GABRG3: variants seen among roughly 807,000 people sequenced by gnomAD.
GABRG3 encodes the protein gamma-aminobutyric acid type A receptor subunit gamma3, also known as gamma-aminobutyric acid receptor subunit gamma-3.
Under a neutral mutation model 48.8 loss-of-function variants are expected in GABRG3, and 25 were observed. That is an observed-to-expected ratio of 0.51 (90% CI 0.37 to 0.72). GABRG3 has a LOEUF of 0.72. Ranked by LOEUF, GABRG3 falls within the 30% of genes least tolerant of loss-of-function variation. The pLI is 0.00. For missense variants in GABRG3, 394 were observed against 577.9 expected (o/e 0.68, Z 3.26); for synonymous variants, 227 against 217.6 (o/e 1.04, Z -0.38).
At chr15:27,141,570 C>A (rs552535302) in intron 3 of GABRG3, among the ~76,000 whole-genome samples, 2 of 152,328 alleles carry the variant, frequency 1.3e-5, no homozygotes, top group East Asian at 3.9e-4. Flanking sequence ...CCTTGTCCTG[C>A]ACCTCTGAGG....
chr15:27,170,591 G>C (rs920345652), intron 3 of GABRG3, among the ~76,000 whole-genome samples: 10 of 152,110 alleles, frequency 6.6e-5, no homozygotes, highest in African/African-American at 2.4e-4. Flanking sequence ...ATGAAAGACA[G>C]ACAGAAACAT....
chr15:27,516,439 C>T lies in GABRG3; in HGVS notation c.713-3533C>T, dbSNP rs143421916. On this transcript the variant is annotated intron_variant, in intron 6 of 9. Coordinates refer to ENST00000615808, the MANE Select transcript of GABRG3 (RefSeq NM_033223.5). Reference sequence around the variant, plus strand: ...TCCTACCCGTCAACCTATCTTTCTTCTGGGGATAAAGCCCCATCTTCTGGG... The same window carrying T: ...TCCTACCCGTCAACCTATCTTTCTTTTGGGGATAAAGCCCCATCTTCTGGG... 2.4e-3 allele frequency among the ~76,000 whole-genome samples: 372 copies of T among 152,314 alleles called. 1 individual carries two copies. The South Asian group carries it at 0.025, about 10-fold the overall frequency.
intron 3 of GABRG3, among the ~76,000 whole-genome samples, chr15:27,134,802 A>C (rs1897979453): frequency 6.6e-6 from 1 of 152,188 alleles, no homozygotes; most frequent in Admixed American, 6.5e-5. Context: ...ACTCTTTCCA[A>C]AGCAGATGAT....
chr15:27,181,193 C>A (rs1249337855), intron 3 of GABRG3, among the ~76,000 whole-genome samples: 1 of 152,120 alleles, frequency 6.6e-6, no homozygotes, highest in Non-Finnish European at 1.5e-5. Context: ...ATGCTAGCTG[C>A]CCACGAGCAC....
chr15:27,522,673 A>G (rs1221396705), intron 7 of GABRG3, among the ~76,000 whole-genome samples: 1 of 151,818 alleles, frequency 6.6e-6, no homozygotes, highest in African/African-American at 2.4e-5. Flanking sequence ...GTATGAAAAT[A>G]TAGTAAAAAG....
chr15:27,232,976 G>A (rs1889846395), intron 3 of GABRG3, among the ~76,000 whole-genome samples: 1 of 152,220 alleles, frequency 6.6e-6, no homozygotes, highest in African/African-American at 2.4e-5. Context: ...AGCACAGCCA[G>A]AAGCCGGTAG....
intron 5 of GABRG3, among the ~76,000 whole-genome samples, chr15:27,369,585 A>G (rs1199286587): frequency 6.6e-6 from 1 of 152,108 alleles, no homozygotes; most frequent in African/African-American, 2.4e-5. Context: ...TGGGAGGCCA[A>G]GGTGGGCGGA....
intron 3 of GABRG3, among the ~76,000 whole-genome samples, chr15:27,246,126 T>G (rs1349612913): frequency 2.0e-5 from 3 of 152,174 alleles, no homozygotes; most frequent in African/African-American, 7.2e-5. Context: ...CCGCCAGGCC[T>G]CGTCTCCAAC....
At chr15:27,242,891 G>C (rs920681362) in intron 3 of GABRG3, among the ~76,000 whole-genome samples, 1 of 152,192 alleles carries the variant, frequency 6.6e-6, no homozygotes, top group Non-Finnish European at 1.5e-5. Context: ...TATTGGTTGG[G>C]TTATAAATAT....
chr15:27,076,399 C>T (rs1248381253), intron 3 of GABRG3, among the ~76,000 whole-genome samples: 1 of 149,178 alleles, frequency 6.7e-6, no homozygotes, highest in East Asian at 2.0e-4. Flanking sequence ...TCTCGGCTCA[C>T]TGCAACCTCC....
At chr15:27,117,346 G>A (rs9672178) in intron 3 of GABRG3, among the ~76,000 whole-genome samples, 9 of 151,644 alleles carry the variant, frequency 5.9e-5, no homozygotes, top group African/African-American at 2.2e-4. Context: ...CTCTGGAGCC[G>A]AACAATACTC....
chr15:27,486,296 A>G (rs1445452622), intron 6 of GABRG3, among the ~76,000 whole-genome samples: 5 of 152,148 alleles, frequency 3.3e-5, no homozygotes, highest in Non-Finnish European at 7.3e-5. Flanking sequence ...TAAGACCACA[A>G]ATAGGCTTCC....
intron 3 of GABRG3, among the ~76,000 whole-genome samples, chr15:27,053,402 C>G (rs756293741): frequency 6.6e-6 from 1 of 152,146 alleles, no homozygotes; most frequent in South Asian, 2.1e-4. Flanking sequence ...CATCACTAAC[C>G]GTCAGAGAAT....
intron 3 of GABRG3, among the ~76,000 whole-genome samples, chr15:27,324,058 G>A (rs964544922): frequency 7.2e-5 from 11 of 152,342 alleles, no homozygotes; most frequent in Admixed American, 1.3e-4. Flanking sequence ...CAGGGAAGCC[G>A]CGGTATTTGG....
chr15:27,062,554 G>C (rs1896669289), intron 3 of GABRG3, among the ~76,000 whole-genome samples: 1 of 151,966 alleles, frequency 6.6e-6, no homozygotes, highest in Admixed American at 6.6e-5. Flanking sequence ...GTTGCAGTGA[G>C]CTAAGATCCT....
At chr15:27,529,983 G>T (rs181118575) in intron 9 of GABRG3, among the ~76,000 whole-genome samples, 2 of 152,076 alleles carry the variant, frequency 1.3e-5, no homozygotes, top group Admixed American at 1.3e-4. Flanking sequence ...TGCCAGGCCT[G>T]GTGAGAAGAC....
intron 2 of GABRG3, among the ~76,000 whole-genome samples, chr15:26,986,525 C>T (rs1472098180): frequency 6.6e-6 from 1 of 152,160 alleles, no homozygotes; most frequent in Non-Finnish European, 1.5e-5. Context: ...ACCTGAGCAC[C>T]TAGGATTGCA....
intron 5 of GABRG3, among the ~76,000 whole-genome samples, chr15:27,430,241 A>G (rs1888408448): frequency 6.6e-6 from 1 of 152,126 alleles, no homozygotes; most frequent in Non-Finnish European, 1.5e-5. Flanking sequence ...CCATTTTTCA[A>G]TTGGGTTATC....
At chr15:27,383,555 T>TA (rs1895839558) in intron 5 of GABRG3, among the ~76,000 whole-genome samples, 1 of 152,100 alleles carries the variant, frequency 6.6e-6, no homozygotes, top group Non-Finnish European at 1.5e-5. Flanking sequence ...TTGTCTCATT[T>TA]AAAAAAATTG....
Sources: gnomAD v4.1 joint callset for allele counts (sites outside exome capture counted in the v4.1 genomes callset) on GRCh38, gnomAD v4.1.1 for gene constraint, MANE v1.5 for transcripts, NCBI Gene and HGNC (gene_info 2026-07-23, HGNC 2026-07-21) for gene names.